ARHGEF10: variants seen among roughly 807,000 people sequenced by gnomAD.
ARHGEF10 encodes Rho guanine nucleotide exchange factor (GEF) 10.
Under a neutral mutation model 147.4 loss-of-function variants are expected in ARHGEF10, and 140 were observed. The observed-to-expected ratio is 0.95, with a 90% CI of 0.83 to 1.09. The LOEUF is 1.09. Among genes scored for constraint, ARHGEF10 ranks in the 50% least tolerant of loss-of-function variants. The pLI, the probability that ARHGEF10 is intolerant of heterozygous loss-of-function variation, is 0.00. For missense variants in ARHGEF10, 2,222 were observed against 1,752.7 expected (o/e 1.27, Z -4.78); for synonymous variants, 902 against 695.8 (o/e 1.30, Z -4.67).
intron 6 of ARHGEF10, among the ~76,000 whole-genome samples, chr8:1,867,772 A>G (rs768785527): frequency 9.9e-5 from 15 of 152,112 alleles, no homozygotes; most frequent in Non-Finnish European, 2.2e-4. Flanking sequence ...CTGGCTCACT[A>G]ATTTCTATGT....
At chr8:1,917,224 C>T (rs1475263886) in intron 18 of ARHGEF10, among the ~76,000 whole-genome samples, 3 of 152,198 alleles carry the variant, frequency 2.0e-5, no homozygotes, top group Non-Finnish European at 2.9e-5. Flanking sequence ...AGTTGCTTTC[C>T]AGGAAGTTTT....
At chr8:1,946,103 G>A (rs1416675962) in intron 27 of ARHGEF10, among the ~76,000 whole-genome samples, 6 of 152,156 alleles carry the variant, frequency 3.9e-5, no homozygotes, top group Non-Finnish European at 8.8e-5. Flanking sequence ...GTTGCTGGTG[G>A]GTGTCACTGA....
chr8:1,931,512 C>G (rs183544212), intron 25 of ARHGEF10, among the ~76,000 whole-genome samples: 1 of 152,254 alleles, frequency 6.6e-6, no homozygotes. Context: ...CTGAACGTGT[C>G]TCTTCGCATC....
At chr8:1,878,222 G>A (rs1461372366) in intron 8 of ARHGEF10, among the ~76,000 whole-genome samples, 5 of 151,562 alleles carry the variant, frequency 3.3e-5, no homozygotes. Context: ...ATGGAGTCTT[G>A]CCTGTCGCTC....
intron 27 of ARHGEF10, among the ~76,000 whole-genome samples, chr8:1,949,963 GTGT>G (rs909174856): frequency 5.3e-5 from 8 of 152,122 alleles, no homozygotes; most frequent in Non-Finnish European, 1.0e-4. Flanking sequence ...AACCTGGATG[GTGT>G]TGTTTACACC....
intron 22 of ARHGEF10, among the ~76,000 whole-genome samples, chr8:1,925,770 G>C (rs1015970000): frequency 6.6e-6 from 1 of 152,186 alleles, no homozygotes; most frequent in Non-Finnish European, 1.5e-5. Flanking sequence ...CAGGTCTCCT[G>C]TCTGCTTGAG....
At chr8:1,890,258 T>A (rs1479808651) in intron 11 of ARHGEF10, among the ~76,000 whole-genome samples, 1 of 128,916 alleles carries the variant, frequency 7.8e-6, no homozygotes, top group African/African-American at 3.1e-5. Flanking sequence ...CTGAGGGTTG[T>A]GGATTGTGAG....
chr8:1,903,587 A>T (rs1810656482), intron 16 of ARHGEF10, 136 bp downstream of exon 16: 1 of 1,137,800 alleles, frequency 8.8e-7, no homozygotes, highest in Admixed American at 2.0e-5. Context: ...ACCGGGGTGG[A>T]TGGAGGCCTT....
At position 1,928,657 on chromosome 8, in the gene ARHGEF10, C is replaced by G. The variant is rs1027050881; in HGVS notation, c.2921+7C>G. ...TAGGGACGGAGGAGGGAAGGTAGGG[C>G]ATGCTCACTGCGTTACAGAGAATTA... On this transcript the variant is annotated splice_region_variant and intron_variant, in intron 24 of 28. Transcript: ENST00000349830. 1.1e-5 allele frequency: 17 copies of G among 1,613,636 alleles called. No individual in the cohort carries two copies. The African/African-American group carries it at 2.3e-4, about 22-fold the overall frequency.
intron 27 of ARHGEF10, among the ~76,000 whole-genome samples, chr8:1,952,401 C>T (rs566073243): frequency 2.6e-4 from 40 of 152,348 alleles, no homozygotes; most frequent in African/African-American, 7.9e-4. Context: ...CAGATTCATC[C>T]AGGGGCTTGA....
Position 1,844,600 on chromosome 8 carries a change from C to G in ARHGEF10, c.37+1164C>G, listed in dbSNP as rs1023015768. On this transcript the variant is annotated intron_variant, in intron 2 of 28. Transcript: ENST00000349830. ...CTGGAGTTCTCCGGAGCCGCAAGAC[C>G]ACGGGGTACGGGACCCGGTACCGGA... Among the ~76,000 whole-genome samples, 7 of 152,126 alleles carry G rather than the reference C, an allele frequency of 4.6e-5. 1 individual carries two copies. The highest frequency in any genetic ancestry group is 1.7e-4 in the African/African-American group (7 of 41,410).
chr8:1,857,661 G>A (rs1444007067), intron 2 of ARHGEF10, among the ~76,000 whole-genome samples: 2 of 151,890 alleles, frequency 1.3e-5, no homozygotes, highest in African/African-American at 2.4e-5. Context: ...CTTGTGATCT[G>A]CCCACCTTGG....
intron 26 of ARHGEF10, among the ~76,000 whole-genome samples, chr8:1,940,008 C>T (rs1813952928): frequency 6.6e-6 from 1 of 152,126 alleles, no homozygotes; most frequent in African/African-American, 2.4e-5. Context: ...GAGTATTTTG[C>T]CAGCAACGTA....
intron 2 of ARHGEF10, among the ~76,000 whole-genome samples, chr8:1,845,667 ACGT>A (rs1804501427): frequency 1.3e-5 from 2 of 152,186 alleles, no homozygotes; most frequent in South Asian, 2.1e-4. Flanking sequence ...GCATTTGCTG[ACGT>A]CGTCATCAGT....
At chr8:1,900,135 G>A (rs1024010924) in intron 15 of ARHGEF10, among the ~76,000 whole-genome samples, 4 of 152,150 alleles carry the variant, frequency 2.6e-5, no homozygotes, top group Non-Finnish European at 5.9e-5. Flanking sequence ...AAACAAGCTT[G>A]TTAGGTTTTG....
Position 1,860,191 on chromosome 8 carries a change from C to G in ARHGEF10, c.481+7C>G. 6.2e-7 allele frequency: 1 copy of G among 1,610,784 alleles called. No homozygotes were observed. The highest frequency in any genetic ancestry group is 8.5e-7 in the Non-Finnish European group (1 of 1,179,852). ...ACGTCCCTGGACGAAGAAGGTACTG[C>G]TACCCTCCTCTCCACGCCCCCGAAG... is the stretch of plus-strand genomic sequence containing the variant. On this transcript the variant is annotated splice_region_variant and intron_variant, in intron 4 of 28. Transcript: ENST00000349830.
chr8:1,886,664 A>T (rs1808684160), intron 11 of ARHGEF10, among the ~76,000 whole-genome samples: 1 of 152,196 alleles, frequency 6.6e-6, no homozygotes, highest in South Asian at 2.1e-4. Context: ...GCTGTCACTC[A>T]TGGGTGTGCA....
At chr8:1,944,401 C>T (rs545832127) in intron 26 of ARHGEF10, among the ~76,000 whole-genome samples, 5 of 152,228 alleles carry the variant, frequency 3.3e-5, no homozygotes, top group African/African-American at 4.8e-5. Context: ...GAGGCGATGC[C>T]ATGGGAGAAG....
intron 18 of ARHGEF10, 22 bp from the exon 19 acceptor site, chr8:1,922,942 T>C: frequency 6.5e-7 from 1 of 1,536,622 alleles, no homozygotes; most frequent in Non-Finnish European, 9.0e-7. Flanking sequence ...ATTCTTTTTT[T>C]TTCTTTTTGC....
Sources: allele counts gnomAD v4.1 joint callset (sites outside exome capture counted in the v4.1 genomes callset), GRCh38; gene constraint gnomAD v4.1.1; transcripts MANE v1.5; gene names NCBI Gene and HGNC (gene_info 2026-07-23, HGNC 2026-07-21).